The following FUT8 variants were observed in gnomAD, a reference collection of about 807,000 sequenced individuals.
The protein encoded by FUT8 is fucosyltransferase 8.
In FUT8, 29 loss-of-function variants were observed where a neutral mutation model predicts 71.3. The ratio of observed to expected loss-of-function variants is 0.41; its 90% confidence interval spans 0.30 to 0.55. FUT8 has a LOEUF of 0.55. FUT8 is among the 20% of genes least tolerant of loss of function. FUT8 has a pLI of 0.34. For synonymous variants in FUT8, 254 were observed against 239.3 expected (o/e 1.06, Z -0.57); for missense variants, 544 against 702.1 (o/e 0.77, Z 2.55).
intron 2 of FUT8, among the ~76,000 whole-genome samples, chr14:65,477,983 A>G (rs2066273168): frequency 6.6e-6 from 1 of 151,460 alleles, no homozygotes; most frequent in African/African-American, 2.4e-5. Context: ...TCTAGATTGT[A>G]TCTGTTATAA....
At chr14:65,450,313 C>G (rs2065802940) in intron 1 of FUT8, among the ~76,000 whole-genome samples, 1 of 152,088 alleles carries the variant, frequency 6.6e-6, no homozygotes, top group Admixed American at 6.5e-5. Flanking sequence ...ATTTTAAAGT[C>G]TAACATTTTT....
intron 5 of FUT8, among the ~76,000 whole-genome samples, chr14:65,623,125 A>G (rs1175511482): frequency 6.6e-6 from 1 of 152,034 alleles, no homozygotes; most frequent in African/African-American, 2.4e-5. Flanking sequence ...TCCTGTGCTC[A>G]AGTGATCCTT....
chr14:65,543,135 G>A lies in FUT8; in HGVS notation c.-227-18202G>A, dbSNP rs1277600875. Among the ~76,000 whole-genome samples, 4 of 152,156 alleles carry A rather than the reference G, an allele frequency of 2.6e-5. No individual in the cohort carries two copies. The South Asian group carries it at 6.2e-4, about 24-fold the overall frequency. ...TTATCTCTCCTTATAACTATTAAAT[G>A]TTGTGTTTAAGGACCCTGCAGCTTA... On this transcript the variant is annotated intron_variant, in intron 2 of 10. Coordinates refer to ENST00000673929, the MANE Select transcript of FUT8 (RefSeq NM_001371533.1).
intron 3 of FUT8, among the ~76,000 whole-genome samples, chr14:65,587,019 T>C (rs553039797): frequency 7.8e-4 from 118 of 152,124 alleles, no homozygotes; most frequent in African/African-American, 2.6e-3. Flanking sequence ...AAACCCCATC[T>C]CTATTAAAAA....
At chr14:65,709,717 C>T (rs976820830) in intron 7 of FUT8, among the ~76,000 whole-genome samples, 1 of 152,200 alleles carries the variant, frequency 6.6e-6, no homozygotes, top group Non-Finnish European at 1.5e-5. Flanking sequence ...CTGTTGACCT[C>T]ATTTCCCTTG....
At chr14:65,470,877 G>A (rs1196690128) in intron 2 of FUT8, among the ~76,000 whole-genome samples, 1 of 151,934 alleles carries the variant, frequency 6.6e-6, no homozygotes, top group African/African-American at 2.4e-5. Context: ...CACAGAGGGC[G>A]GCGGGCTGTT....
intron 7 of FUT8, among the ~76,000 whole-genome samples, chr14:65,671,622 A>G (rs1892484742): frequency 6.6e-6 from 1 of 152,210 alleles, no homozygotes; most frequent in Non-Finnish European, 1.5e-5. Context: ...TACTAGAAGA[A>G]TGATGATTAG....
At chr14:65,648,620 G>A (rs574047351) in intron 6 of FUT8, among the ~76,000 whole-genome samples, 2 of 152,296 alleles carry the variant, frequency 1.3e-5, no homozygotes, top group South Asian at 4.1e-4. Flanking sequence ...GCTGTCAAAT[G>A]TACAATGATG....
At chr14:65,609,310 A>AT (rs199534978) in intron 3 of FUT8, among the ~76,000 whole-genome samples, 3 of 149,540 alleles carry the variant, frequency 2.0e-5, no homozygotes, top group African/African-American at 7.3e-5. Flanking sequence ...AAAAAAAAAA[A>AT]TTTTTCCTCT....
intron 6 of FUT8, among the ~76,000 whole-genome samples, chr14:65,649,264 T>C (rs1891248465): frequency 6.6e-6 from 1 of 152,238 alleles, no homozygotes; most frequent in South Asian, 2.1e-4. Context: ...TTTCTCTTTC[T>C]CAGATCTACC....
intron 2 of FUT8, among the ~76,000 whole-genome samples, chr14:65,545,674 T>C (rs1308966222): frequency 6.6e-6 from 1 of 151,804 alleles, no homozygotes; most frequent in Non-Finnish European, 1.5e-5. Flanking sequence ...TGATAACTCT[T>C]ATAACTGCAG....
the FUT8 span, among the ~76,000 whole-genome samples, chr14:65,385,914 G>C: frequency 6.6e-6 from 1 of 152,104 alleles, no homozygotes; most frequent in Non-Finnish European, 1.5e-5. Context: ...CACTTTGGGA[G>C]GCCGAGGCGG....
chr14:65,631,376 T>C (rs1017217623), intron 6 of FUT8, among the ~76,000 whole-genome samples: 1 of 152,192 alleles, frequency 6.6e-6, no homozygotes, highest in African/African-American at 2.4e-5. Flanking sequence ...TAGTTTCCTT[T>C]TTTTTTTCCT....
intron 6 of FUT8, among the ~76,000 whole-genome samples, chr14:65,650,576 T>G (rs530693575): frequency 1.6e-4 from 25 of 151,914 alleles, no homozygotes; most frequent in African/African-American, 5.5e-4. Flanking sequence ...TTAAGCCATT[T>G]GTGAAAAACG....
intron 3 of FUT8, among the ~76,000 whole-genome samples, chr14:65,611,816 A>G (rs1460192283): frequency 6.6e-6 from 1 of 151,900 alleles, no homozygotes; most frequent in Non-Finnish European, 1.5e-5. Flanking sequence ...GTCTGCCACC[A>G]TGCCTGGCTA....
the FUT8 span, among the ~76,000 whole-genome samples, chr14:65,359,587 G>T: frequency 3.9e-5 from 6 of 152,104 alleles, no homozygotes; most frequent in Non-Finnish European, 8.8e-5. Context: ...CACACTACTT[G>T]TCTTTTTGTG....
At chr14:65,444,563 A>C (rs761772494) in intron 1 of FUT8, among the ~76,000 whole-genome samples, 1 of 152,224 alleles carries the variant, frequency 6.6e-6, no homozygotes, top group Non-Finnish European at 1.5e-5. Flanking sequence ...TAATGTGTGA[A>C]TGGACAAACT....
intron 7 of FUT8, among the ~76,000 whole-genome samples, chr14:65,700,808 C>T (rs1046213710): frequency 4.6e-5 from 7 of 152,176 alleles, no homozygotes; most frequent in African/African-American, 1.7e-4. Flanking sequence ...TACTGCCTCT[C>T]AGCGTTCATC....
chr14:65,582,375 C>T (rs1440833060), intron 3 of FUT8, among the ~76,000 whole-genome samples: 1 of 151,974 alleles, frequency 6.6e-6, no homozygotes, highest in African/African-American at 2.4e-5. Context: ...GATCTCTGTT[C>T]ACCTCATTAA....
Sources: allele counts gnomAD v4.1 joint callset (sites outside exome capture counted in the v4.1 genomes callset), GRCh38; gene constraint gnomAD v4.1.1; transcripts MANE v1.5; gene names NCBI Gene and HGNC (gene_info 2026-07-23, HGNC 2026-07-21).